The following C3orf18 variants were observed in gnomAD, a reference collection of about 807,000 sequenced individuals.
C3orf18 encodes the protein uncharacterized protein C3orf18.
C3orf18 carries 12 observed loss-of-function variants against 14.1 expected under a neutral mutation model. The ratio of observed to expected loss-of-function variants is 0.85; its 90% CI spans 0.55 to 1.38. The LOEUF is 1.38. C3orf18 is among the 40% of genes most tolerant of loss of function. The pLI is 0.00. For missense variants in C3orf18, 196 were observed against 213.9 expected (o/e 0.92, Z 0.52); for synonymous variants, 82 against 87.9 (o/e 0.93, Z 0.38).
In C3orf18 at chr3:50,559,390, C is replaced by T; in HGVS notation, c.*267G>A. ...CAGGGGATGAGGAAGCCAGCAGAGG[C>T]TCTTGACCTTCTCAGCATGAGGGAT... On this transcript the variant is annotated 3_prime_UTR_variant, in exon 6 of 6. Coordinates refer to ENST00000357203, the MANE Select transcript of C3orf18 (RefSeq NM_016210.5). The T allele has an allele frequency of 7.4e-7, 1 of 1,356,934 alleles. No homozygotes were observed. Among genetic ancestry groups the T allele is most frequent in the Non-Finnish European group, 9.5e-7 (1 of 1,050,964 alleles). 84.1% of individuals were successfully genotyped at this position (1,356,934 alleles called of 1,614,324 possible). A position where few individuals can be genotyped will look rare whatever the true frequency, so the allele number is the denominator to read the frequency against.
At chr3:50,571,013 C>G (rs1700890989), upstream of C3orf18, 1 of 978,308 alleles carries the variant, frequency 1.0e-6, no homozygotes, top group Non-Finnish European at 1.5e-6. Context: ...CCAGCTGGGT[C>G]CAGGGGCCAC....
chr3:50,566,324 G>C (rs934960079), intron 1 of C3orf18, among the ~76,000 whole-genome samples: 6 of 151,838 alleles, frequency 4.0e-5, no homozygotes, highest in African/African-American at 1.5e-4. Flanking sequence ...TTGAAACCTA[G>C]CTCAGCTGCT....
Position 50,567,707 on chromosome 3 carries a change from G to C in C3orf18, c.-496C>G, listed in dbSNP as rs1700430730. 6.6e-6 allele frequency: 1 copy of C among 152,292 alleles called. No individual in the cohort carries two copies. Among genetic ancestry groups the C allele is most frequent in the Non-Finnish European group, 1.5e-5 (1 of 68,082 alleles). 9.4% of individuals were successfully genotyped at this position (152,292 alleles called of 1,614,324 possible). ...GGGCCGGGACCCACGGCGGAGGTGG[G>C]GCCGGGCCGAGCAGCCTCGGGGGAT... On this transcript the variant is annotated 5_prime_UTR_variant, in exon 1 of 6. Coordinates refer to ENST00000357203, the MANE Select transcript of C3orf18 (RefSeq NM_016210.5).
chr3:50,574,605 C>A (rs1370166686), upstream of C3orf18, among the ~76,000 whole-genome samples: 1 of 152,182 alleles, frequency 6.6e-6, no homozygotes. Context: ...ACACACCTGA[C>A]AACAACTGGT....
Position 50,564,346 on chromosome 3 carries a change from C to T in C3orf18, c.234+1120G>A, listed in dbSNP as rs1024177249. Among the ~76,000 whole-genome samples, 18 of 152,202 alleles carry T rather than the reference C, an allele frequency of 1.2e-4. No individual in the cohort carries two copies. In the East Asian group the frequency reaches 1.7e-3, roughly 15 times the overall value. ...ATCATCTTAGGGGGACAGCCCATAT[C>T]CTTAGGGACTGACACCAGATCAAGA... is the stretch of plus-strand genomic sequence containing the variant. On this transcript the variant is annotated intron_variant, in intron 3 of 5. Coordinates refer to ENST00000357203, the MANE Select transcript of C3orf18 (RefSeq NM_016210.5).
chr3:50,571,743 C>G (rs146775787), upstream of C3orf18: 98 of 1,614,056 alleles, frequency 6.1e-5, no homozygotes, highest in Non-Finnish European at 7.9e-5. Flanking sequence ...TTGGACCCAG[C>G]CCTTGACCTC....
chr3:50,565,733 C>A lies in C3orf18; in HGVS notation c.-34G>T. 6.5e-7 allele frequency: 1 copy of A among 1,533,672 alleles called. No homozygotes were observed. Among genetic ancestry groups the A allele is most frequent in the South Asian group, 1.1e-5 (1 of 87,836 alleles). ...GGAGAGGGCCCTGGCTGAGAGGCTGCCTGATGCCAGTCAACCTGCCCACTC... is the reference window on the plus strand; with the variant it reads ...GGAGAGGGCCCTGGCTGAGAGGCTGACTGATGCCAGTCAACCTGCCCACTC... On this transcript the variant is annotated 5_prime_UTR_variant, in exon 3 of 6. Coordinates refer to ENST00000357203, the MANE Select transcript of C3orf18 (RefSeq NM_016210.5). This position sits in a 1 kb window ranked among gnomAD's most constrained non-coding sequence, Gnocchi z 4.4.
At position 50,559,833 on chromosome 3, in the gene C3orf18, T is replaced by A. The variant is rs183937378; in HGVS notation, c.409-96A>T. ...ACCCTCACTTCCTGGTGCCTGCTTA[T>A]GCTTGGCACTAGCAATGGCTTCTGC... is the stretch of plus-strand genomic sequence containing the variant. On this transcript the variant is annotated intron_variant, in intron 5 of 5. Coordinates refer to ENST00000357203, the MANE Select transcript of C3orf18 (RefSeq NM_016210.5). 2.3e-5 allele frequency: 16 copies of A among 682,740 alleles called. No homozygotes were observed. The East Asian group carries it at 5.2e-4, about 22-fold the overall frequency. 42.3% of individuals were successfully genotyped at this position (682,740 alleles called of 1,614,324 possible).
Position 50,558,544 on chromosome 3 carries a change from A to G in C3orf18, c.*1113T>C. ...AATTCAAACATAGACTAAGTTTTTTAGATGTTTTTCTGAAGTGCAATCCCT... is the reference window on the plus strand; with the variant it reads ...AATTCAAACATAGACTAAGTTTTTTGGATGTTTTTCTGAAGTGCAATCCCT... On this transcript the variant is annotated 3_prime_UTR_variant, in exon 6 of 6. Transcript: ENST00000357203. 2.2e-6 allele frequency: 1 copy of G among 452,344 alleles called. No homozygotes were observed. Among genetic ancestry groups the G allele is most frequent in the East Asian group, 7.3e-5 (1 of 13,696 alleles). The allele number at this position is 452,344 out of a possible 1,614,324, so 28.0% of individuals were successfully genotyped here.
At chr3:50,567,787 T>A (rs1329705983), upstream of C3orf18, 1 of 152,382 alleles carries the variant, frequency 6.6e-6, no homozygotes, top group African/African-American at 2.4e-5. Context: ...CGGCCTCCGA[T>A]TGGCTGTCGG....
At position 50,559,007 on chromosome 3, in the gene C3orf18, C is replaced by T. The variant is rs1170777606; in HGVS notation, c.*650G>A. 2 of 1,289,692 alleles carry T rather than the reference C, an allele frequency of 1.6e-6. No individual in the cohort carries two copies. Among genetic ancestry groups the T allele is most frequent in the Non-Finnish European group, 2.0e-6 (2 of 988,778 alleles). 79.9% of individuals were successfully genotyped at this position (1,289,692 alleles called of 1,614,324 possible). The stretch of plus-strand genomic sequence containing the variant: ...TACTTCCTTCCCCCTCAGCTCCCAT[C>T]CTAGCTTGGCCCCAGTAACATCTGG... On this transcript the variant is annotated 3_prime_UTR_variant, in exon 6 of 6. Coordinates refer to ENST00000357203, the MANE Select transcript of C3orf18 (RefSeq NM_016210.5).
At position 50,560,951 on chromosome 3, in the gene C3orf18, T is replaced by A; in HGVS notation, c.374A>T (p.Gln125Leu). ...CATGGCCTGCACAGAAGTAGCAGCC[T>A]GTACAGAGGCGGCGTCCCGCCCATG... The part of the protein sequence containing the change: ...LEHGRDAASV[Q>L]AATSVQAMQG... Residue 125 changes from glutamine (Q) to leucine (L), a missense_variant, in exon 5 of 6, where the codon CAG (glutamine) becomes CTG (leucine). Transcript: ENST00000357203. 1 of 1,613,940 alleles carries A rather than the reference T, an allele frequency of 6.2e-7. No individual in the cohort carries two copies.
At position 50,559,297 on chromosome 3, in the gene C3orf18, C is replaced by G; in HGVS notation, c.*360G>C. 1.6e-6 allele frequency: 2 copies of G among 1,246,398 alleles called. No individual in the cohort carries two copies. Among genetic ancestry groups the G allele is most frequent in the Non-Finnish European group, 2.1e-6 (2 of 975,204 alleles). 77.2% of individuals were successfully genotyped at this position (1,246,398 alleles called of 1,614,324 possible). A position where few individuals can be genotyped will look rare whatever the true frequency, so the allele number is the denominator to read the frequency against. ...AAACCTCCCCTTTCCTCCCCCAATC[C>G]CTCCCACTCCGTATCTCCCTCATTT... On this transcript the variant is annotated 3_prime_UTR_variant, in exon 6 of 6. Coordinates refer to ENST00000357203, the MANE Select transcript of C3orf18 (RefSeq NM_016210.5).
At chr3:50,567,423 G>A (rs1199411826) in intron 1 of C3orf18, 40 bp downstream of exon 1, 1 of 152,644 alleles carries the variant, frequency 6.6e-6, no homozygotes, top group Non-Finnish European at 1.5e-5. Flanking sequence ...ACCCTGTGAT[G>A]CCTCCCTTCT....
At chr3:50,567,803 G>C (rs1454225937), upstream of C3orf18, 1 of 152,444 alleles carries the variant, frequency 6.6e-6, no homozygotes, top group Admixed American at 6.5e-5. Context: ...GTCGGGCCTA[G>C]AGCCCGCCCA....
chr3:50,568,520 A>G (rs1368384226), upstream of C3orf18, among the ~76,000 whole-genome samples: 2 of 152,100 alleles, frequency 1.3e-5, no homozygotes, highest in Non-Finnish European at 2.9e-5. Flanking sequence ...TGAAGTCAGG[A>G]GTTCGAGACC....
chr3:50,562,642 T>C, intron 3 of C3orf18: 1 of 431,734 alleles, frequency 2.3e-6, no homozygotes, highest in East Asian at 7.1e-5. Context: ...CTGTAGCGTG[T>C]AGAGCAGTGG....
At chr3:50,571,189 T>C (rs749624618), upstream of C3orf18, 1 of 1,613,724 alleles carries the variant, frequency 6.2e-7, no homozygotes, top group South Asian at 1.1e-5. Flanking sequence ...CTTCAGCTCA[T>C]GGCAACCCCA....
chr3:50,558,880 T>C lies in C3orf18; in HGVS notation c.*777A>G. 7.8e-7 allele frequency: 1 copy of C among 1,289,796 alleles called. No individual in the cohort carries two copies. Among genetic ancestry groups the C allele is most frequent in the Non-Finnish European group, 1.0e-6 (1 of 988,846 alleles). 79.9% of individuals were successfully genotyped at this position (1,289,796 alleles called of 1,614,324 possible). ...GTGTGGACAATCTCATTCTGCCCGCTGTGCTGGGACAGGCACATGTCTGCC... is the reference window on the plus strand; with the variant it reads ...GTGTGGACAATCTCATTCTGCCCGCCGTGCTGGGACAGGCACATGTCTGCC... On this transcript the variant is annotated 3_prime_UTR_variant, in exon 6 of 6. Coordinates refer to ENST00000357203, the MANE Select transcript of C3orf18 (RefSeq NM_016210.5).
Sources: allele counts gnomAD v4.1 joint callset (sites outside exome capture counted in the v4.1 genomes callset), GRCh38; gene constraint gnomAD v4.1.1; non-coding constraint Gnocchi (gnomAD v3.1); transcripts MANE v1.5; gene names NCBI Gene and HGNC (gene_info 2026-07-23, HGNC 2026-07-21).